WDR70: variants seen among roughly 807,000 people sequenced by gnomAD.
WDR70 encodes the protein WD repeat domain 70, also known as WD repeat-containing protein 70.
Under a neutral mutation model 88.6 loss-of-function variants are expected in WDR70, and 53 were observed. That is an observed-to-expected ratio of 0.60 (90% CI 0.48 to 0.75). The LOEUF (loss-of-function observed/expected upper bound fraction) is 0.75. Ranked by LOEUF, WDR70 falls within the 30% of genes least tolerant of loss-of-function variation. The pLI is 0.00. For synonymous variants in WDR70, 280 were observed against 270.0 expected (o/e 1.04, Z -0.36); for missense variants, 610 against 823.2 (o/e 0.74, Z 3.17).
intron 9 of WDR70, among the ~76,000 whole-genome samples, chr5:37,553,314 G>A (rs1235267974): frequency 1.3e-5 from 2 of 152,082 alleles, no homozygotes; most frequent in African/African-American, 2.4e-5. Flanking sequence ...CTCACGTCTG[G>A]CTCCGTTATA....
chr5:37,396,251 A>G (rs545362109), intron 4 of WDR70, 124 bp from the exon 5 acceptor site: 1 of 1,318,150 alleles, frequency 7.6e-7, no homozygotes, highest in African/African-American at 1.5e-5. Flanking sequence ...CTACAAATTT[A>G]AAAAAATTAA....
At chr5:37,424,320 G>C (rs1454577804) in intron 5 of WDR70, among the ~76,000 whole-genome samples, 1 of 150,240 alleles carries the variant, frequency 6.7e-6, no homozygotes, top group East Asian at 1.9e-4. Flanking sequence ...AATTATAAAG[G>C]CTACTAGATG....
In WDR70 at chr5:37,381,661, G is replaced by A. The variant is rs1211071024; in HGVS notation, c.151G>A (p.Val51Met). ...AMFEQTRRTA[V>M]ERSRKTLEAR... ...GTTTGAACAAACTCGAAGGACAGCT[G>A]TGGAAAGAAGTCGCAAAACACTGGG... Residue 51 changes from valine (V) to methionine (M), a missense_variant, in exon 3 of 18, where the codon GTG (valine) becomes ATG (methionine). Val to Met is a conservative substitution (Grantham distance 21, BLOSUM62 1). Coordinates refer to ENST00000265107, the MANE Select transcript of WDR70 (RefSeq NM_018034.4). 1 of 1,611,596 alleles carries A rather than the reference G, an allele frequency of 6.2e-7. No individual in the cohort carries two copies. The highest frequency in any genetic ancestry group is 8.5e-7 in the Non-Finnish European group (1 of 1,178,226).
At chr5:37,675,666 G>A (rs575981174) in intron 10 of WDR70, among the ~76,000 whole-genome samples, 79 of 152,244 alleles carry the variant, frequency 5.2e-4, no homozygotes, top group Admixed American at 1.7e-3. Context: ...GTCAGGTAGC[G>A]TGATGCCTCC....
At chr5:37,703,194 A>G (rs563019048) in intron 13 of WDR70, 107 bp downstream of exon 13, 1 of 1,361,198 alleles carries the variant, frequency 7.3e-7, no homozygotes, top group African/African-American at 1.4e-5. Context: ...CCCTTAGAGC[A>G]CGGTGATAGC....
chr5:37,572,460 T>C (rs960356451), intron 9 of WDR70, among the ~76,000 whole-genome samples: 3 of 152,132 alleles, frequency 2.0e-5, no homozygotes, highest in African/African-American at 7.2e-5. Context: ...TTTGTATGTA[T>C]TGATGGGGTA....
Position 37,605,052 on chromosome 5 carries a change from G to A in WDR70, c.918-12G>A, listed in dbSNP as rs1437634510. Reference sequence around the variant, plus strand: ...TTTTTAAATAAATGAAAAATCTCCTGATCATTTTTAGGACTGTGAGGACGT... The same window carrying A: ...TTTTTAAATAAATGAAAAATCTCCTAATCATTTTTAGGACTGTGAGGACGT... On this transcript the variant is annotated splice_polypyrimidine_tract_variant and intron_variant, in intron 9 of 17. Transcript: ENST00000265107. 1.3e-6 allele frequency: 2 copies of A among 1,555,692 alleles called. No homozygotes were observed. The highest frequency in any genetic ancestry group is 3.9e-5 in the Admixed American group (2 of 51,930).
At chr5:37,675,397 A>G (rs1465082945) in intron 10 of WDR70, among the ~76,000 whole-genome samples, 2 of 152,026 alleles carry the variant, frequency 1.3e-5, no homozygotes, top group Non-Finnish European at 2.9e-5. Context: ...ATCCATCTTG[A>G]ATTAATTTTT....
intron 10 of WDR70, among the ~76,000 whole-genome samples, chr5:37,650,964 A>T (rs1435445501): frequency 6.8e-6 from 1 of 146,740 alleles, no homozygotes. Flanking sequence ...AATGGGCTTC[A>T]TTTTTTTTTT....
At chr5:37,516,895 G>A (rs1581356317) in intron 9 of WDR70, among the ~76,000 whole-genome samples, 3 of 151,290 alleles carry the variant, frequency 2.0e-5, no homozygotes, top group Admixed American at 6.6e-5. Context: ...GCTAATTTTT[G>A]TATTTTAGTA....
At chr5:37,727,221 C>T (rs1305663413) in intron 17 of WDR70, among the ~76,000 whole-genome samples, 176 bp downstream of exon 17, 1 of 152,106 alleles carries the variant, frequency 6.6e-6, no homozygotes, top group Non-Finnish European at 1.5e-5. Flanking sequence ...TCATAAGACT[C>T]TAAAATCATG....
At chr5:37,686,275 A>G (rs1746594878) in intron 10 of WDR70, among the ~76,000 whole-genome samples, 1 of 151,222 alleles carries the variant, frequency 6.6e-6, no homozygotes, top group African/African-American at 2.4e-5. Context: ...TGATTATGTC[A>G]CTGCACTCCA....
intron 9 of WDR70, among the ~76,000 whole-genome samples, chr5:37,580,231 C>T (rs1354151552): frequency 1.3e-5 from 2 of 152,116 alleles, no homozygotes; most frequent in Admixed American, 1.3e-4. Flanking sequence ...ATTTGGAAGC[C>T]GTATTGCCAA....
intron 16 of WDR70, among the ~76,000 whole-genome samples, chr5:37,726,109 C>G (rs1333054000): frequency 6.6e-6 from 1 of 152,086 alleles, no homozygotes; most frequent in East Asian, 1.9e-4. Flanking sequence ...CAAATTGGAT[C>G]CATCTCTTTC....
In WDR70 at chr5:37,605,173, G is replaced by A; in HGVS notation, c.1027G>A (p.Asp343Asn). ...TCCCACTACGTGCACATATAGTAGA[G>A]ATGGAAACCTCATAGCAGCTGCCTG... ...VIPTTCTYSR[D>N]GNLIAAACQN... The change falls in exon 10 of 18, where the codon GAT becomes AAT. Residue 343 changes from aspartate to asparagine, a missense_variant. Transcript: ENST00000265107. The A allele has an allele frequency of 6.2e-7, 1 of 1,613,124 alleles. No homozygotes were observed. Among genetic ancestry groups the A allele is most frequent in the Non-Finnish European group, 8.5e-7 (1 of 1,179,472 alleles).
intron 13 of WDR70, among the ~76,000 whole-genome samples, chr5:37,714,912 T>C (rs1000441805): frequency 6.6e-6 from 1 of 152,196 alleles, no homozygotes; most frequent in Non-Finnish European, 1.5e-5. Flanking sequence ...CCAAGAGACC[T>C]TCCATTTTCT....
At chr5:37,699,400 T>C (rs202135432) in intron 11 of WDR70, among the ~76,000 whole-genome samples, 34,722 of 146,684 alleles carry the variant, frequency 0.24, 4,779 homozygotes, top group Admixed American at 0.37. Flanking sequence ...TGTATATATA[T>C]ATACACACAC....
intron 12 of WDR70, 65 bp from the exon 13 acceptor site, chr5:37,702,884 A>G: frequency 5.4e-6 from 8 of 1,491,236 alleles, no homozygotes; most frequent in East Asian, 2.3e-5. Context: ...TATTTAATTC[A>G]CTAATGATTG....
chr5:37,513,249 T>G (rs192040702), intron 8 of WDR70, among the ~76,000 whole-genome samples: 1 of 152,176 alleles, frequency 6.6e-6, no homozygotes, highest in Admixed American at 6.5e-5. Context: ...GTGGGCCATG[T>G]TTTCTTACAT....
Sources: allele counts gnomAD v4.1 joint callset (sites outside exome capture counted in the v4.1 genomes callset), GRCh38; gene constraint gnomAD v4.1.1; transcripts MANE v1.5; gene names NCBI Gene and HGNC (gene_info 2026-07-23, HGNC 2026-07-21).